ABCC8: variants seen among roughly 807,000 people sequenced by gnomAD.
ABCC8 encodes ATP-binding cassette sub-family C member 8.
A neutral mutation model predicts 188.0 loss-of-function variants in ABCC8; 137 were observed. The observed-to-expected ratio is 0.73, with a 90% CI of 0.63 to 0.84. The LOEUF is 0.84. Among genes scored for constraint, ABCC8 ranks in the 40% least tolerant of loss-of-function variants. The pLI, the probability that ABCC8 is intolerant of heterozygous loss-of-function variation, is 0.00. For missense variants in ABCC8, 1,750 were observed against 2,072.7 expected (o/e 0.84, Z 3.02); for synonymous variants, 797 against 846.5 (o/e 0.94, Z 1.01).
intron 29 of ABCC8, among the ~76,000 whole-genome samples, chr11:17,400,721 C>T (rs895342463): frequency 1.1e-4 from 17 of 152,194 alleles, no homozygotes; most frequent in African/African-American, 3.1e-4. Context: ...CGCCAGCCCC[C>T]GCAGTCTGTG....
Position 17,395,681 on chromosome 11 carries a change from C to T in ABCC8, c.4236G>A (p.Leu1412=), listed in dbSNP as rs965734923. 29 of 1,559,976 alleles carry T rather than the reference C, an allele frequency of 1.9e-5. No individual in the cohort carries two copies. The highest frequency in any genetic ancestry group is 2.4e-5 in the Non-Finnish European group (28 of 1,151,788). ...GGCGTGAGCGCAGGGTGTGCAGCGG[C>T]AGTTTGGCGATGTCAATGCCATCAA... ...IIIDGIDIAK[L]PLHTLRSRLS... The change falls in exon 35 of 39, where the codon CTG becomes CTA. Residue 1412 remains leucine, a synonymous_variant. Coordinates refer to ENST00000389817, the MANE Select transcript of ABCC8 (RefSeq NM_000352.6).
intron 29 of ABCC8, among the ~76,000 whole-genome samples, chr11:17,401,030 A>T (rs1355151004): frequency 6.6e-6 from 1 of 152,252 alleles, no homozygotes; most frequent in East Asian, 1.9e-4. Flanking sequence ...ACTGGGTAGC[A>T]GTGGCTCTGG....
At chr11:17,449,168 T>C (rs940204564) in intron 7 of ABCC8, among the ~76,000 whole-genome samples, 2 of 152,194 alleles carry the variant, frequency 1.3e-5, no homozygotes, top group Non-Finnish European at 2.9e-5. Flanking sequence ...CCTCAGGAGA[T>C]CCATCCACCT....
chr11:17,414,399 G>A (rs2133477616), intron 19 of ABCC8, 113 bp downstream of exon 19: 1 of 1,443,998 alleles, frequency 6.9e-7, no homozygotes, highest in Non-Finnish European at 9.7e-7. Context: ...GTAAGCACCT[G>A]GGGAGTGAGA....
chr11:17,405,675 C>G, intron 26 of ABCC8, 112 bp from the exon 27 acceptor site: 2 of 1,567,382 alleles, frequency 1.3e-6, no homozygotes, highest in Non-Finnish European at 1.7e-6. Flanking sequence ...ATTCATGGGT[C>G]TGGCATCCTC....
rs756583583 is a variant in ABCC8, at chr11:17,442,927, TC to T, written c.1468-46del. 35 of 1,599,316 alleles carry T rather than the reference TC, an allele frequency of 2.2e-5. No individual in the cohort carries two copies. The African/African-American group carries it at 4.5e-4, about 21-fold the overall frequency. On this transcript the variant is annotated intron_variant, in intron 9 of 38. Coordinates refer to ENST00000389817, the MANE Select transcript of ABCC8 (RefSeq NM_000352.6). ...AGAGGGGAGAGGCTTCTGCTCCGTC[TC>T]CCACCCGAGAGGAAGGCCTGAGTGT...
intron 13 of ABCC8, 40 bp downstream of exon 13, chr11:17,428,522 AGAG>A: frequency 6.2e-7 from 1 of 1,612,372 alleles, no homozygotes; most frequent in Non-Finnish European, 8.5e-7. Context: ...TTTGGGCCTT[AGAG>A]GACCATGCTG....
chr11:17,431,275 C>T (rs1955836337), intron 11 of ABCC8, among the ~76,000 whole-genome samples: 1 of 152,232 alleles, frequency 6.6e-6, no homozygotes, highest in Non-Finnish European at 1.5e-5. Flanking sequence ...CCTCTGCAGA[C>T]AGCAGGCGGG....
intron 36 of ABCC8, 197 bp from the exon 37 acceptor site, chr11:17,394,596 GAGA>G (rs1198444062): frequency 3.4e-6 from 2 of 592,656 alleles, no homozygotes; most frequent in Non-Finnish European, 4.2e-6. Flanking sequence ...GGACTGCAAC[GAGA>G]AGGGCACCCC....
intron 7 of ABCC8, among the ~76,000 whole-genome samples, chr11:17,450,535 C>T (rs1164266400): frequency 6.7e-6 from 1 of 150,238 alleles, no homozygotes; most frequent in Non-Finnish European, 1.5e-5. Context: ...GCTGGGACTA[C>T]AGGCACCCGC....
At position 17,396,907 on chromosome 11, in the gene ABCC8, T is replaced by C; in HGVS notation, c.4119+9A>G. The C allele has an allele frequency of 1.2e-6, 2 of 1,613,750 alleles. No individual in the cohort carries two copies. Among genetic ancestry groups the C allele is most frequent in the Non-Finnish European group, 1.7e-6 (2 of 1,179,998 alleles). On this transcript the variant is annotated intron_variant, in intron 33 of 38. Coordinates refer to ENST00000389817, the MANE Select transcript of ABCC8 (RefSeq NM_000352.6). Reference sequence around the variant, plus strand: ...GTCCTGCAGCATTGGGTTGGGCCCGTGCTCTGACCTTCTGTCCAGGGGCGA... The same window carrying C: ...GTCCTGCAGCATTGGGTTGGGCCCGCGCTCTGACCTTCTGTCCAGGGGCGA...
chr11:17,417,402 T>G (rs2133490297), intron 16 of ABCC8, among the ~76,000 whole-genome samples: 2 of 152,340 alleles, frequency 1.3e-5, no homozygotes, highest in Admixed American at 1.3e-4. Flanking sequence ...ATGGAATCAG[T>G]GTGTACTGCA....
intron 26 of ABCC8, among the ~76,000 whole-genome samples, chr11:17,406,082 G>A (rs1218318572): frequency 6.6e-6 from 1 of 152,272 alleles, no homozygotes. Flanking sequence ...GCCTCGACAA[G>A]GGGCCAGAAA....
At chr11:17,412,405 C>T (rs890201060) in intron 21 of ABCC8, among the ~76,000 whole-genome samples, 2 of 152,240 alleles carry the variant, frequency 1.3e-5, no homozygotes. Flanking sequence ...GTCCCACAGA[C>T]AGGCAGCCTA....
intron 8 of ABCC8, among the ~76,000 whole-genome samples, chr11:17,444,057 T>C (rs1956428746): frequency 6.6e-6 from 1 of 152,190 alleles, no homozygotes; most frequent in Non-Finnish European, 1.5e-5. Context: ...CTTGCCTTGG[T>C]CCTGTAGTCC....
intron 29 of ABCC8, among the ~76,000 whole-genome samples, chr11:17,399,305 C>T (rs796595612): frequency 2.3e-5 from 2 of 86,160 alleles, no homozygotes; most frequent in Admixed American, 2.4e-4. Context: ...AAAAAAAAAA[C>T]AAATAAAAAA....
chr11:17,446,621 G>T lies in ABCC8; in HGVS notation c.1332+1895C>A, dbSNP rs1956540420. ...AAAAGGTTGGTTGGTAACTAAACTA[G>T]ATGAGATCTCCAGGCCCTTTTGTAG... is the stretch of plus-strand genomic sequence containing the variant. On this transcript the variant is annotated intron_variant, in intron 8 of 38. Coordinates refer to ENST00000389817, the MANE Select transcript of ABCC8 (RefSeq NM_000352.6). 3.9e-5 allele frequency among the ~76,000 whole-genome samples: 6 copies of T among 152,282 alleles called. 1 individual carries two copies. The South Asian group carries it at 1.2e-3, about 32-fold the overall frequency.
chr11:17,437,659 G>A (rs1304852718), intron 10 of ABCC8, among the ~76,000 whole-genome samples: 4 of 152,224 alleles, frequency 2.6e-5, no homozygotes, highest in Non-Finnish European at 4.4e-5. Context: ...AGTGTGGCAG[G>A]AGGCATCTCA....
intron 6 of ABCC8, 62 bp from the exon 7 acceptor site, chr11:17,453,345 C>A (rs1453054556): frequency 6.2e-7 from 1 of 1,600,942 alleles, no homozygotes; most frequent in Admixed American, 1.7e-5. Flanking sequence ...CCGTAGAACA[C>A]ATCACTGTGC....
Sources: allele counts gnomAD v4.1 joint callset (sites outside exome capture counted in the v4.1 genomes callset), GRCh38; gene constraint gnomAD v4.1.1; transcripts MANE v1.5; gene names NCBI Gene and HGNC (gene_info 2026-07-23, HGNC 2026-07-21).